Variants in ITGA2 observed in about 807,000 individuals in gnomAD.
ITGA2 encodes the protein integrin subunit alpha 2.
A neutral mutation model predicts 146.3 loss-of-function variants in ITGA2; 101 were observed. The observed-to-expected ratio is 0.69, with a 90% CI of 0.59 to 0.81. The LOEUF is 0.81. ITGA2 is among the 40% of genes least tolerant of loss of function. The pLI is 0.00. For synonymous variants in ITGA2, 477 were observed against 487.1 expected, an observed-to-expected ratio of 0.98 and a Z score of 0.27; for missense variants, 1,281 against 1,402.7, an observed-to-expected ratio of 0.91 and a Z score of 1.39.
At chr5:53,048,555 C>T in intron 5 of ITGA2, 78 bp downstream of exon 5, 2 of 1,609,022 alleles carry the variant, frequency 1.2e-6, no homozygotes, top group Non-Finnish European at 1.7e-6. Context: ...ACTAGTGGCA[C>T]CCAAACCCTC....
chr5:53,014,132 A>T (rs1742287870), intron 1 of ITGA2, among the ~76,000 whole-genome samples: 1 of 151,976 alleles, frequency 6.6e-6, no homozygotes, highest in Non-Finnish European at 1.5e-5. Flanking sequence ...ACTACCAGTA[A>T]TATGATAAAT....
At position 53,060,023 on chromosome 5, in the gene ITGA2, G is replaced by T. The variant is rs1744827485; in HGVS notation, c.1312+11G>T. ...ACAGTTCATATTTAGGTAAGGCATG[G>T]TAATAATTGGCTCAGCAAACTTAAG... On this transcript the variant is annotated intron_variant, in intron 11 of 29. Coordinates refer to ENST00000296585, the MANE Select transcript of ITGA2 (RefSeq NM_002203.4). The T allele has an allele frequency of 3.1e-6, 5 of 1,611,800 alleles. No homozygotes were observed. Among genetic ancestry groups the T allele is most frequent in the Non-Finnish European group, 3.4e-6 (4 of 1,178,576 alleles).
chr5:53,016,998 C>T (rs2111770036), intron 1 of ITGA2, among the ~76,000 whole-genome samples: 1 of 152,180 alleles, frequency 6.6e-6, no homozygotes, highest in South Asian at 2.1e-4. Flanking sequence ...TTGTTGTATT[C>T]CTGAGATTCC....
rs752951302 is a variant in ITGA2 at position 53,056,029 on chromosome 5, A to G, written c.976A>G (p.Ile326Val). The change falls in exon 9 of 30, where the codon ATA becomes GTA. Residue 326 changes from isoleucine to valine, a missense_variant. Physicochemically the swap from Ile to Val is conservative, Grantham distance 29. Around this residue, in one of 3 missense-constraint regions of ITGA2, gnomAD observed 795 missense variants for 841.7 expected, o/e 0.94. Transcript: ENST00000296585. ...NRNALDTKNL[I>V]KEIKAIASIP... ...AAACGCCCTTGATACTAAAAATTTA[A>G]TAAAAGAAATAAAAGCAATCGCTAG... is the stretch of plus-strand genomic sequence containing the variant. The G allele has an allele frequency of 2.5e-6, 4 of 1,609,082 alleles. No homozygotes were observed. The highest frequency in any genetic ancestry group is 1.1e-5 in the South Asian group (1 of 90,226).
Position 52,989,439 on chromosome 5 carries a change from C to A in ITGA2, c.-30C>A, listed in dbSNP as rs779208636. ...CCTCTGCAAACCTCTGCAAACCCAG[C>A]GCAACTACGGTCCCCCGGTCAGACC... is the stretch of plus-strand genomic sequence containing the variant. On this transcript the variant is annotated 5_prime_UTR_variant, in exon 1 of 30. Coordinates refer to ENST00000296585, the MANE Select transcript of ITGA2 (RefSeq NM_002203.4). The A allele has an allele frequency of 1.9e-6, 3 of 1,612,678 alleles. No homozygotes were observed. Among genetic ancestry groups the A allele is most frequent in the Admixed American group, 1.7e-5 (1 of 60,032 alleles).
At position 53,091,059 on chromosome 5, in the gene ITGA2, GA is replaced by G. The variant is rs1401535336; in HGVS notation, c.*462del. 1.4e-5 allele frequency: 4 copies of G among 276,924 alleles called. No homozygotes were observed. Among genetic ancestry groups the G allele is most frequent in the Non-Finnish European group, 6.6e-6 (1 of 151,172 alleles). 17.2% of individuals were successfully genotyped at this position (276,924 alleles called of 1,614,324 possible). A position where few individuals can be genotyped will look rare whatever the true frequency, so the allele number is the denominator to read the frequency against. ...TACTTCCACTTGTGTATATTTTAAT[GA>G]ATATTGATGTTAACAAGAGGGGAAA... On this transcript the variant is annotated 3_prime_UTR_variant, in exon 30 of 30. Coordinates refer to ENST00000296585, the MANE Select transcript of ITGA2 (RefSeq NM_002203.4).
chr5:53,012,767 T>C (rs1438356978), intron 1 of ITGA2, among the ~76,000 whole-genome samples: 1 of 152,144 alleles, frequency 6.6e-6, no homozygotes. Context: ...GCATGTTATT[T>C]TTTTACTTTT....
At chr5:53,086,692 A>T (rs1388492623) in intron 27 of ITGA2, among the ~76,000 whole-genome samples, 2 of 152,154 alleles carry the variant, frequency 1.3e-5, no homozygotes, top group African/African-American at 2.4e-5. Context: ...TAACCTACTC[A>T]TGTCTGGATC....
At chr5:53,019,791 A>C (rs1742584774) in intron 1 of ITGA2, among the ~76,000 whole-genome samples, 1 of 151,908 alleles carries the variant, frequency 6.6e-6, no homozygotes, top group Non-Finnish European at 1.5e-5. Flanking sequence ...CTCCCAAAGT[A>C]CTGGGATTAC....
intron 14 of ITGA2, 34 bp downstream of exon 14, chr5:53,065,149 T>G (rs1745085703): frequency 6.3e-7 from 1 of 1,591,990 alleles, no homozygotes; most frequent in Non-Finnish European, 8.6e-7. Flanking sequence ...ATGTATGTAT[T>G]TGTGGGTCTT....
At position 52,997,220 on chromosome 5, in the gene ITGA2, A is replaced by G. The variant is rs3212395; in HGVS notation, c.64+7688A>G. ...AAATATATTTTACTTCCTTTGAGAGACTTGTCTGTTCTGTTGCCCAAATAG... is the reference window on the plus strand; with the variant it reads ...AAATATATTTTACTTCCTTTGAGAGGCTTGTCTGTTCTGTTGCCCAAATAG... On this transcript the variant is annotated intron_variant, in intron 1 of 29. Coordinates refer to ENST00000296585, the MANE Select transcript of ITGA2 (RefSeq NM_002203.4). 6.1e-3 allele frequency among the ~76,000 whole-genome samples: 922 copies of G among 152,284 alleles called. 10 individuals are homozygous for G. Among genetic ancestry groups the G allele is most frequent in the African/African-American group, 0.021 (875 of 41,552 alleles).
At position 53,090,789 on chromosome 5, in the gene ITGA2, G is replaced by GCAGGGGCGGGGCC; in HGVS notation, c.*194_*195insGGCGGGGCCCAGG. 2.6e-6 allele frequency: 1 copy of GCAGGGGCGGGGCC among 378,944 alleles called. No individual in the cohort carries two copies. Among genetic ancestry groups the GCAGGGGCGGGGCC allele is most frequent in the East Asian group, 5.2e-5 (1 of 19,274 alleles). The allele number at this position is 378,944 out of a possible 1,614,324, so 23.5% of individuals were successfully genotyped here. On this transcript the variant is annotated 3_prime_UTR_variant, in exon 30 of 30. Transcript: ENST00000296585. ...GTGGGGGGTGGGGGAGGTGCGGGGGGCAGGTAGGGAAATAATAGGGAAAAT... is the reference window on the plus strand; with the variant it reads ...GTGGGGGGTGGGGGAGGTGCGGGGGGCAGGGGCGGGGCCCAGGTAGGGAAATAATAGGGAAAAT...
intron 23 of ITGA2, among the ~76,000 whole-genome samples, chr5:53,075,640 T>TG (rs1745629080): frequency 6.6e-6 from 1 of 151,960 alleles, no homozygotes; most frequent in African/African-American, 2.4e-5. Context: ...TCCTGAGAGT[T>TG]GTCTTCACTT....
intron 10 of ITGA2, 80 bp from the exon 11 acceptor site, chr5:53,059,794 T>A: frequency 7.9e-7 from 1 of 1,261,994 alleles, no homozygotes. Flanking sequence ...AAACAACTTA[T>A]TTCAATGTTT....
chr5:53,014,241 A>G (rs1579799377), intron 1 of ITGA2, among the ~76,000 whole-genome samples: 1 of 152,116 alleles, frequency 6.6e-6, no homozygotes, highest in East Asian at 1.9e-4. Context: ...TGGGTTTGTC[A>G]TAGATGGTTC....
intron 1 of ITGA2, among the ~76,000 whole-genome samples, chr5:53,007,611 C>T (rs1188062875): frequency 1.3e-5 from 2 of 152,060 alleles, no homozygotes; most frequent in Non-Finnish European, 2.9e-5. Flanking sequence ...TTTCTAGTAA[C>T]TCTTGGGCCA....
rs528179659 is a variant in ITGA2 at position 53,065,856 on chromosome 5, G to T, written c.1822G>T (p.Asp608Tyr). The T allele has an allele frequency of 1.2e-6, 2 of 1,611,852 alleles. No homozygotes were observed. The highest frequency in any genetic ancestry group is 2.2e-5 in the South Asian group (2 of 91,048). Residue 608 changes from aspartate (D) to tyrosine (Y), a missense_variant, in exon 15 of 30, where the codon GAT becomes TAT. Asp to Tyr is a radical substitution (Grantham distance 160, BLOSUM62 -3). Transcript: ENST00000296585. Reference protein sequence around the residue: ...TKYSQKILGSDGAFRSHLQYF... With the variant: ...TKYSQKILGSYGAFRSHLQYF... ...GCTCTTTTAGAAAATCTTGGGATCC[G>T]ATGGAGCCTTTAGGAGCCATCTCCA... is the stretch of plus-strand genomic sequence containing the variant.
rs187661690 is a variant in ITGA2 at position 53,018,793 on chromosome 5, T to C, written c.65-7955T>C. Among the ~76,000 whole-genome samples, 3 of 152,338 alleles carry C rather than the reference T, an allele frequency of 2.0e-5. No individual in the cohort carries two copies. The East Asian group carries it at 5.8e-4, about 29-fold the overall frequency. On this transcript the variant is annotated intron_variant, in intron 1 of 29. Coordinates refer to ENST00000296585, the MANE Select transcript of ITGA2 (RefSeq NM_002203.4). ...ATTTTGTTTTTTAGGCTGGGCACGG[T>C]GGCTCACGCCTGTAAATTCCAGCAC...
chr5:53,084,354 A>AT (rs368762372), intron 27 of ITGA2, among the ~76,000 whole-genome samples: 23 of 150,158 alleles, frequency 1.5e-4, no homozygotes, highest in East Asian at 5.9e-4. Context: ...AACGCTACTC[A>AT]TTTTTTTTTC....
Sources: gnomAD v4.1 joint callset for allele counts (sites outside exome capture counted in the v4.1 genomes callset) on GRCh38, gnomAD v4.1.1 for gene constraint, gnomAD v4.1.1 regional missense constraint, MANE v1.5 for transcripts, NCBI Gene and HGNC (gene_info 2026-07-23, HGNC 2026-07-21) for gene names.